The following PCCA variants were observed in gnomAD, a reference collection of about 807,000 sequenced individuals.
The protein encoded by PCCA is propionyl-CoA carboxylase alpha chain, mitochondrial.
PCCA carries 74 observed loss-of-function variants against 101.3 expected under a neutral mutation model. That is an observed-to-expected ratio of 0.73 (90% confidence interval 0.61 to 0.89). The LOEUF (loss-of-function observed/expected upper bound fraction) is 0.89, where lower values mean the gene tolerates loss of function less well. Among genes scored for constraint, PCCA ranks in the 40% least tolerant of loss-of-function variants. The pLI, the probability that PCCA is intolerant of heterozygous loss-of-function variation, is 0.00. For missense variants in PCCA, 891 were observed against 907.0 expected, an observed-to-expected ratio of 0.98 and a Z score of 0.23; for synonymous variants, 294 against 313.6, an observed-to-expected ratio of 0.94 and a Z score of 0.66.
At chr13:100,297,071 T>A (rs1461141441) in intron 12 of PCCA, among the ~76,000 whole-genome samples, 1 of 152,242 alleles carries the variant, frequency 6.6e-6, no homozygotes, top group Non-Finnish European at 1.5e-5. Flanking sequence ...TTTTCTCATG[T>A]ACTAGATTCA....
chr13:100,329,141 T>C (rs2069156458), intron 16 of PCCA, among the ~76,000 whole-genome samples: 1 of 152,134 alleles, frequency 6.6e-6, no homozygotes, highest in Non-Finnish European at 1.5e-5. Flanking sequence ...CTTAAATAAA[T>C]ATGGTTATGT....
At chr13:100,273,756 A>AC (rs1281127960) in intron 12 of PCCA, among the ~76,000 whole-genome samples, 1 of 152,158 alleles carries the variant, frequency 6.6e-6, no homozygotes, top group Admixed American at 6.5e-5. Context: ...CCACTGCTGT[A>AC]CCACTCAGCC....
intron 21 of PCCA, among the ~76,000 whole-genome samples, chr13:100,503,359 G>A (rs373096173): frequency 1.4e-4 from 21 of 152,002 alleles, no homozygotes; most frequent in South Asian, 2.1e-4. Flanking sequence ...GTGTGGTGGC[G>A]CGTGCCTGTA....
At chr13:100,422,102 C>CTTCCTTTCT (rs2078836496) in intron 19 of PCCA, among the ~76,000 whole-genome samples, 3 of 120,206 alleles carry the variant, frequency 2.5e-5, no homozygotes, top group East Asian at 2.2e-4. Context: ...TTCTTTCTTT[C>CTTCCTTTCT]TTTCTTTCTT....
intron 22 of PCCA, among the ~76,000 whole-genome samples, chr13:100,523,717 C>A (rs2087490291): frequency 2.6e-5 from 4 of 152,218 alleles, no homozygotes. Flanking sequence ...ATGAAAGATA[C>A]AGGATTCAGG....
At chr13:100,304,438 T>C (rs2066301957) in intron 14 of PCCA, among the ~76,000 whole-genome samples, 2 of 152,178 alleles carry the variant, frequency 1.3e-5, no homozygotes, top group Non-Finnish European at 2.9e-5. Flanking sequence ...ACAGCTGTAA[T>C]TATGTATCTC....
intron 22 of PCCA, among the ~76,000 whole-genome samples, chr13:100,518,249 G>T (rs1362523494): frequency 6.6e-6 from 1 of 152,188 alleles, no homozygotes; most frequent in Non-Finnish European, 1.5e-5. Flanking sequence ...ATCGTAGAAT[G>T]GTGGGCCTGG....
At chr13:100,248,376 C>A (rs2061568753) in intron 8 of PCCA, among the ~76,000 whole-genome samples, 3 of 152,018 alleles carry the variant, frequency 2.0e-5, no homozygotes, top group Non-Finnish European at 4.4e-5. Context: ...AAATTTTATA[C>A]TCTATTTCTA....
chr13:100,478,684 G>C (rs561051964), intron 21 of PCCA, among the ~76,000 whole-genome samples: 1 of 152,102 alleles, frequency 6.6e-6, no homozygotes, highest in Admixed American at 6.6e-5. Flanking sequence ...CCTCAGGAGC[G>C]GTCACCCTGG....
chr13:100,133,241 T>G (rs571305647), intron 4 of PCCA, among the ~76,000 whole-genome samples: 2 of 152,336 alleles, frequency 1.3e-5, no homozygotes, highest in South Asian at 4.1e-4. Flanking sequence ...ATTCATTTGT[T>G]TGTTTGTTTT....
At chr13:100,309,804 T>C in intron 15 of PCCA, 29 bp from the exon 16 acceptor site, 2 of 1,376,274 alleles carry the variant, frequency 1.5e-6, no homozygotes, top group Non-Finnish European at 2.1e-6. Flanking sequence ...TATATATATA[T>C]ATTGGGTTTT....
intron 18 of PCCA, among the ~76,000 whole-genome samples, chr13:100,346,229 T>C (rs1254966517): frequency 6.6e-6 from 1 of 152,208 alleles, no homozygotes; most frequent in Non-Finnish European, 1.5e-5. Context: ...CAAAGCAAAT[T>C]GAAAACTTTC....
rs1408675737 is a variant in PCCA at position 100,363,559 on chromosome 13, A to G, written c.1644-4913A>G. ...TTCTGAAGGCCTTTTTCTTCCTGCA[A>G]AGATTTGTATGCAGAAACTGACCTC... On this transcript the variant is annotated intron_variant, in intron 18 of 23. Transcript: ENST00000376285. Among the ~76,000 whole-genome samples the G allele has an allele frequency of 2.0e-5, 3 of 152,206 alleles. No homozygotes were observed. The East Asian group carries it at 5.8e-4, about 29-fold the overall frequency.
At chr13:100,410,260 T>C (rs2077957213) in intron 19 of PCCA, among the ~76,000 whole-genome samples, 1 of 152,194 alleles carries the variant, frequency 6.6e-6, no homozygotes, top group African/African-American at 2.4e-5. Flanking sequence ...TTTTGTTTTT[T>C]TGAGACGGAG....
intron 7 of PCCA, among the ~76,000 whole-genome samples, chr13:100,216,558 C>T (rs1302130216): frequency 2.0e-5 from 3 of 152,144 alleles, no homozygotes; most frequent in Non-Finnish European, 4.4e-5. Context: ...AGTCAGTGCT[C>T]ACTAGGTATT....
chr13:100,404,339 G>C (rs1490214623), intron 19 of PCCA, among the ~76,000 whole-genome samples: 1 of 152,166 alleles, frequency 6.6e-6, no homozygotes, highest in African/African-American at 2.4e-5. Flanking sequence ...CCAGTCCTAA[G>C]CCAACCCGTT....
At chr13:100,491,631 C>G in intron 21 of PCCA, 1 of 1,303,006 alleles carries the variant, frequency 7.7e-7, no homozygotes, top group Non-Finnish European at 1.0e-6. Flanking sequence ...GCGGTGCACT[C>G]TTAATAACTT....
At chr13:100,387,623 G>T (rs1157745480) in intron 19 of PCCA, among the ~76,000 whole-genome samples, 1 of 152,146 alleles carries the variant, frequency 6.6e-6, no homozygotes, top group Non-Finnish European at 1.5e-5. Flanking sequence ...GATGGGAGGG[G>T]GTTGGATAAA....
intron 21 of PCCA, among the ~76,000 whole-genome samples, chr13:100,476,050 G>T (rs978641103): frequency 6.6e-6 from 1 of 152,174 alleles, no homozygotes; most frequent in Non-Finnish European, 1.5e-5. Flanking sequence ...CAAATGAGAT[G>T]ATTTCGATAT....
Sources: allele counts gnomAD v4.1 joint callset (sites outside exome capture counted in the v4.1 genomes callset), GRCh38; gene constraint gnomAD v4.1.1; transcripts MANE v1.5; gene names NCBI Gene and HGNC (gene_info 2026-07-23, HGNC 2026-07-21).